Variants in XKR4 observed in about 807,000 individuals in gnomAD.
The protein encoded by XKR4 is XK related 4, also known as XK-related protein 4.
A neutral mutation model predicts 53.9 loss-of-function variants in XKR4; 12 were observed. The ratio of observed to expected loss-of-function variants is 0.22; its 90% CI spans 0.14 to 0.36. The LOEUF (loss-of-function observed/expected upper bound fraction) is 0.36, where lower values mean the gene tolerates loss of function less well. XKR4 is among the 10% of genes least tolerant of loss of function. The pLI, the probability that XKR4 is intolerant of heterozygous loss-of-function variation, is 1.00. For synonymous variants in XKR4, 354 were observed against 362.4 expected (o/e 0.98, Z 0.26); for missense variants, 799 against 859.5 (o/e 0.93, Z 0.88).
intron 1 of XKR4, among the ~76,000 whole-genome samples, chr8:55,251,154 A>G (rs1818357131): frequency 6.6e-6 from 1 of 152,164 alleles, no homozygotes; most frequent in Non-Finnish European, 1.5e-5. Flanking sequence ...ATGTGTAGGT[A>G]TAGATATGCG....
intron 2 of XKR4, among the ~76,000 whole-genome samples, chr8:55,488,611 T>A (rs1806227236): frequency 6.6e-6 from 1 of 152,180 alleles, no homozygotes. Flanking sequence ...GAATTTCAAC[T>A]ATATGATATT....
intron 2 of XKR4, chr8:55,449,545 C>T: frequency 6.7e-7 from 1 of 1,486,196 alleles, no homozygotes; most frequent in Non-Finnish European, 9.4e-7. Context: ...TCCGGTCCAC[C>T]CACTGCTGGG....
intron 1 of XKR4, among the ~76,000 whole-genome samples, chr8:55,314,751 C>T (rs1230809788): frequency 6.6e-6 from 1 of 152,170 alleles, no homozygotes; most frequent in East Asian, 1.9e-4. Flanking sequence ...GCTAATCCCA[C>T]CTCCCCGACC....
chr8:55,318,363 T>C (rs1020189031), intron 1 of XKR4, among the ~76,000 whole-genome samples: 1 of 152,210 alleles, frequency 6.6e-6, no homozygotes, highest in African/African-American at 2.4e-5. Context: ...GTGAAGTCTT[T>C]CTGTTCATGT....
chr8:55,514,457 A>C lies in XKR4; in HGVS notation c.1007-8824A>C, dbSNP rs533742502. On this transcript the variant is annotated intron_variant, in intron 2 of 2. Coordinates refer to ENST00000327381, the MANE Select transcript of XKR4 (RefSeq NM_052898.2). Reference sequence around the variant, plus strand: ...TTTTTAATAGAGACGGGGTTTCACCACGTTGGCCAGACTGGTCTCGAACTC... The same window carrying C: ...TTTTTAATAGAGACGGGGTTTCACCCCGTTGGCCAGACTGGTCTCGAACTC... Among the ~76,000 whole-genome samples the C allele has an allele frequency of 1.9e-4, 29 of 152,210 alleles. No homozygotes were observed. The South Asian group carries it at 4.4e-3, about 23-fold the overall frequency.
intron 2 of XKR4, among the ~76,000 whole-genome samples, chr8:55,394,747 T>G (rs558620622): frequency 6.6e-6 from 1 of 152,322 alleles, no homozygotes; most frequent in Non-Finnish European, 1.5e-5. Context: ...ACCATGACAT[T>G]AATTATCACT....
At chr8:55,486,740 G>A (rs1003358495) in intron 2 of XKR4, among the ~76,000 whole-genome samples, 1 of 152,148 alleles carries the variant, frequency 6.6e-6, no homozygotes, top group Non-Finnish European at 1.5e-5. Flanking sequence ...AAGTCTGGTC[G>A]CTGCTCAGCA....
intron 1 of XKR4, among the ~76,000 whole-genome samples, chr8:55,320,804 C>T (rs1421505521): frequency 2.6e-5 from 4 of 152,078 alleles, no homozygotes; most frequent in Non-Finnish European, 5.9e-5. Context: ...ATGAGACACA[C>T]CTTTCTTTGT....
chr8:55,356,809 T>G (rs2129384276), intron 1 of XKR4, among the ~76,000 whole-genome samples: 1 of 152,178 alleles, frequency 6.6e-6, no homozygotes, highest in Non-Finnish European at 1.5e-5. Flanking sequence ...ACAGGCAAAT[T>G]TTATTCCATC....
intron 2 of XKR4, among the ~76,000 whole-genome samples, chr8:55,483,846 A>T (rs866633009): frequency 1.3e-5 from 2 of 152,140 alleles, no homozygotes; most frequent in African/African-American, 2.4e-5. Flanking sequence ...GAAGACAGCA[A>T]TGTAAGTGAA....
intron 2 of XKR4, chr8:55,452,499 A>G (rs969756778): frequency 6.2e-6 from 4 of 643,238 alleles, no homozygotes; most frequent in Non-Finnish European, 1.1e-5. Flanking sequence ...CAGGCCATCC[A>G]GCACACACTC....
intron 1 of XKR4, among the ~76,000 whole-genome samples, chr8:55,230,998 A>G (rs1457217375): frequency 6.6e-6 from 1 of 152,176 alleles, no homozygotes; most frequent in Non-Finnish European, 1.5e-5. Flanking sequence ...ATTTTGCTTA[A>G]GAGGCATGTG....
intron 2 of XKR4, among the ~76,000 whole-genome samples, chr8:55,410,103 G>C (rs1030986964): frequency 6.7e-6 from 1 of 148,628 alleles, no homozygotes; most frequent in Non-Finnish European, 1.5e-5. Flanking sequence ...AAAAAAAAAA[G>C]CCTTTTGAAA....
At chr8:55,334,772 A>G (rs1803434756) in intron 1 of XKR4, among the ~76,000 whole-genome samples, 1 of 152,200 alleles carries the variant, frequency 6.6e-6, no homozygotes, top group African/African-American at 2.4e-5. Context: ...ACTGTCTTCC[A>G]CAGGAGGAAG....
intron 1 of XKR4, among the ~76,000 whole-genome samples, chr8:55,141,671 C>CTCTCTCTCTCTCTCTCTCTCTCTGTGTG (rs748708972): frequency 3.0e-5 from 4 of 135,180 alleles, no homozygotes; most frequent in Admixed American, 7.6e-5. Context: ...CTCTCTCTCT[C>CTCTCTCTCTCTCTCTCTCTCTCTGTGTG]TGTGTGTGTG....
At chr8:55,485,114 T>C (rs1416683310) in intron 2 of XKR4, among the ~76,000 whole-genome samples, 1 of 152,216 alleles carries the variant, frequency 6.6e-6, no homozygotes, top group East Asian at 1.9e-4. Context: ...GAGAACATCC[T>C]CAACTTGATA....
At chr8:55,469,449 T>C (rs988542778) in intron 2 of XKR4, among the ~76,000 whole-genome samples, 59 of 152,086 alleles carry the variant, frequency 3.9e-4, no homozygotes, top group African/African-American at 4.8e-5. Context: ...TTTCCTGCCT[T>C]TTAGGGTTGA....
chr8:55,233,947 G>T (rs1299903673), intron 1 of XKR4, among the ~76,000 whole-genome samples: 1 of 152,160 alleles, frequency 6.6e-6, no homozygotes, highest in Non-Finnish European at 1.5e-5. Flanking sequence ...AATAAAATTT[G>T]TCCTAAATAG....
chr8:55,463,622 T>G (rs78768745), intron 2 of XKR4, among the ~76,000 whole-genome samples: 6 of 151,616 alleles, frequency 4.0e-5, no homozygotes, highest in Non-Finnish European at 8.8e-5. Flanking sequence ...AAATAACTAA[T>G]ATCAGAGCAG....
Sources: allele counts gnomAD v4.1 joint callset (sites outside exome capture counted in the v4.1 genomes callset), GRCh38; gene constraint gnomAD v4.1.1; transcripts MANE v1.5; gene names NCBI Gene and HGNC (gene_info 2026-07-23, HGNC 2026-07-21).